Variants in PDE1C observed in about 807,000 individuals in gnomAD.
PDE1C encodes the protein phosphodiesterase 1C, also known as dual specificity calcium/calmodulin-dependent 3',5'-cyclic nucleotide phosphodiesterase 1C.
PDE1C carries 62 observed loss-of-function variants against 93.1 expected under a neutral mutation model. That is an observed-to-expected ratio of 0.67 (90% CI 0.54 to 0.82). The LOEUF is 0.82. Ranked by LOEUF, PDE1C falls within the 40% of genes least tolerant of loss-of-function variation. The pLI is 0.00. For missense variants in PDE1C, 742 were observed against 884.6 expected (o/e 0.84, Z 2.04); for synonymous variants, 325 against 310.1 (o/e 1.05, Z -0.50).
the PDE1C span, among the ~76,000 whole-genome samples, chr7:31,669,646 T>C: frequency 6.6e-6 from 1 of 151,980 alleles, no homozygotes; most frequent in Non-Finnish European, 1.5e-5. Context: ...GGCAGAAAAA[T>C]AGAATTTACA....
intron 1 of PDE1C, among the ~76,000 whole-genome samples, chr7:32,381,265 A>G (rs1315413786): frequency 2.0e-5 from 3 of 151,668 alleles, no homozygotes; most frequent in East Asian, 3.9e-4. Context: ...TGCTATTGCA[A>G]TAGCATCAAA....
At chr7:32,266,969 C>T (rs1425290165) in intron 1 of PDE1C, among the ~76,000 whole-genome samples, 1 of 152,118 alleles carries the variant, frequency 6.6e-6, no homozygotes, top group Non-Finnish European at 1.5e-5. Context: ...TGGGTGGAAG[C>T]CCCCTAGACC....
chr7:32,406,917 G>A (rs1284894428), intron 1 of PDE1C, among the ~76,000 whole-genome samples: 2 of 152,118 alleles, frequency 1.3e-5, no homozygotes, highest in Non-Finnish European at 2.9e-5. Context: ...ACTTCCCAAC[G>A]ATAGCAAGGG....
the PDE1C span, among the ~76,000 whole-genome samples, chr7:31,659,787 A>G: frequency 1.3e-5 from 2 of 152,188 alleles, no homozygotes; most frequent in Non-Finnish European, 2.9e-5. Flanking sequence ...AATCATGTAG[A>G]GCTATAGCAG....
chr7:32,120,798 CA>C (rs34104659), intron 3 of PDE1C, among the ~76,000 whole-genome samples: 4 of 152,092 alleles, frequency 2.6e-5, no homozygotes, highest in African/African-American at 9.7e-5. Context: ...GCTGAAAACC[CA>C]AAAGGCCAGG....
chr7:31,997,303 AG>A (rs1784837926), intron 2 of PDE1C, among the ~76,000 whole-genome samples: 1 of 152,224 alleles, frequency 6.6e-6, no homozygotes, highest in Admixed American at 6.5e-5. Context: ...GGATTAAATG[AG>A]ATGGCACAGG....
chr7:32,306,286 C>T (rs1463193863), intron 1 of PDE1C, among the ~76,000 whole-genome samples: 3 of 152,168 alleles, frequency 2.0e-5, no homozygotes, highest in Non-Finnish European at 4.4e-5. Context: ...GGTCATAATA[C>T]TTCCAGAATA....
At chr7:32,258,941 C>A (rs1412551590) in intron 1 of PDE1C, among the ~76,000 whole-genome samples, 1 of 152,156 alleles carries the variant, frequency 6.6e-6, no homozygotes, top group East Asian at 1.9e-4. Context: ...CTTGGAGCTG[C>A]TGGGAAGATT....
At chr7:31,625,175 G>A in the PDE1C span, among the ~76,000 whole-genome samples, 1 of 152,060 alleles carries the variant, frequency 6.6e-6, no homozygotes, top group African/African-American at 2.4e-5. Context: ...ATTGTTGGTG[G>A]GACTGTAAAC....
intron 1 of PDE1C, among the ~76,000 whole-genome samples, chr7:32,271,665 A>C (rs965155153): frequency 2.6e-5 from 4 of 152,230 alleles, no homozygotes; most frequent in African/African-American, 9.6e-5. Flanking sequence ...AAACAGGACG[A>C]AGTTCACACA....
At chr7:31,778,358 T>C (rs1174003326) in intron 16 of PDE1C, among the ~76,000 whole-genome samples, 1 of 152,224 alleles carries the variant, frequency 6.6e-6, no homozygotes, top group Non-Finnish European at 1.5e-5. Flanking sequence ...AATGCCTCTG[T>C]GTCCCACAAG....
At chr7:31,843,170 A>C (rs989414390) in intron 9 of PDE1C, among the ~76,000 whole-genome samples, 2 of 151,988 alleles carry the variant, frequency 1.3e-5, no homozygotes, top group African/African-American at 4.8e-5. Context: ...AAGAATATGT[A>C]TATTGCAGTT....
intron 1 of PDE1C, among the ~76,000 whole-genome samples, chr7:32,062,388 G>A (rs972019996): frequency 2.6e-5 from 4 of 152,096 alleles, no homozygotes; most frequent in Non-Finnish European, 4.4e-5. Flanking sequence ...TGGAGCCTTC[G>A]CCTCCTTCCA....
At chr7:32,104,595 A>G (rs1250014206) in intron 3 of PDE1C, among the ~76,000 whole-genome samples, 1 of 152,120 alleles carries the variant, frequency 6.6e-6, no homozygotes. Flanking sequence ...TGATATACAC[A>G]CTAAATATTG....
In PDE1C at chr7:31,986,619, G is replaced by T. The variant is rs150785664; in HGVS notation, c.128+64935C>A. On this transcript the variant is annotated intron_variant, in intron 2 of 17. Coordinates refer to ENST00000396191, the MANE Select transcript of PDE1C (RefSeq NM_001191057.4). ...GAAGTGGGGAGGGCACAGAGAGAAG[G>T]CCATGTGAAGCAGGAGGAAGAGACC... 3.1e-3 allele frequency among the ~76,000 whole-genome samples: 476 copies of T among 152,154 alleles called. 4 individuals carry two copies. Among genetic ancestry groups the T allele is most frequent in the African/African-American group, 0.011 (448 of 41,492 alleles).
intron 2 of PDE1C, among the ~76,000 whole-genome samples, chr7:31,926,178 G>A (rs1318056426): frequency 1.3e-5 from 2 of 151,936 alleles, no homozygotes; most frequent in African/African-American, 4.8e-5. Context: ...CATATTGCCT[G>A]GTATTCATGT....
chr7:31,855,775 G>A lies in PDE1C; in HGVS notation c.751-5034C>T, dbSNP rs1432042683. On this transcript the variant is annotated intron_variant, in intron 7 of 17. Transcript: ENST00000396191. Reference sequence around the variant, plus strand: ...TAAAAAATAAATAAAAATAAGATATGCAGCTTCTCCTTTCTGGAAAAAAAA... The same window carrying A: ...TAAAAAATAAATAAAAATAAGATATACAGCTTCTCCTTTCTGGAAAAAAAA... Among the ~76,000 whole-genome samples the A allele has an allele frequency of 4.3e-5, 6 of 138,856 alleles. No homozygotes were observed. In the South Asian group the frequency reaches 7.1e-4, roughly 16 times the overall value. 91.1% of individuals were successfully genotyped at this position (138,856 alleles called of 152,430 possible). A position where few individuals can be genotyped will look rare whatever the true frequency, so the allele number is the denominator to read the frequency against.
chr7:31,986,786 C>T (rs1052734158), intron 2 of PDE1C, among the ~76,000 whole-genome samples: 1 of 152,016 alleles, frequency 6.6e-6, no homozygotes, highest in African/African-American at 2.4e-5. Context: ...CTTCTGGCCT[C>T]CAGAACTGTG....
the PDE1C span, among the ~76,000 whole-genome samples, chr7:31,624,039 A>C: frequency 1.0e-4 from 15 of 150,688 alleles, no homozygotes; most frequent in South Asian, 2.2e-4. Flanking sequence ...AAAGAGAATA[A>C]AATACCTAGG....
Sources: gnomAD v4.1 joint callset for allele counts (sites outside exome capture counted in the v4.1 genomes callset) on GRCh38, gnomAD v4.1.1 for gene constraint, MANE v1.5 for transcripts, NCBI Gene and HGNC (gene_info 2026-07-23, HGNC 2026-07-21) for gene names.